The following TMEM37 variants were observed in gnomAD, a reference collection of about 807,000 sequenced individuals.
TMEM37 encodes the protein transmembrane protein 37, also known as voltage-dependent calcium channel gamma-like subunit.
TMEM37 carries 12 observed loss-of-function variants against 11.0 expected under a neutral mutation model. That is an observed-to-expected ratio of 1.09 (90% confidence interval 0.70 to 1.76). TMEM37 has a LOEUF of 1.76. Ranked by LOEUF, TMEM37 falls within the 40% of genes most tolerant of loss-of-function variation. The pLI, the probability that TMEM37 is intolerant of heterozygous loss-of-function variation, is 0.00. For synonymous variants in TMEM37, 127 were observed against 110.5 expected, an observed-to-expected ratio of 1.15 and a Z score of -0.94; for missense variants, 203 against 251.2, an observed-to-expected ratio of 0.81 and a Z score of 1.30.
chr2:119,434,299 T>C lies in TMEM37; in HGVS notation c.21+2375T>C, dbSNP rs557235570. On this transcript the variant is annotated intron_variant, in intron 1 of 1. Coordinates refer to ENST00000306406, the MANE Select transcript of TMEM37 (RefSeq NM_183240.3). ...CTTGTAACCTTGCCAGGTGCCTTCATGGCTACGACTTTCCTGCAAGTGTCA... is the reference window on the plus strand; with the variant it reads ...CTTGTAACCTTGCCAGGTGCCTTCACGGCTACGACTTTCCTGCAAGTGTCA... Among the ~76,000 whole-genome samples the C allele has an allele frequency of 8.5e-5, 13 of 152,274 alleles. No individual in the cohort carries two copies. The South Asian group carries it at 2.7e-3, about 32-fold the overall frequency.
chr2:119,434,727 C>G (rs1397351428), intron 1 of TMEM37, among the ~76,000 whole-genome samples: 1 of 152,190 alleles, frequency 6.6e-6, no homozygotes, highest in African/African-American at 2.4e-5. Flanking sequence ...TCTGGCATGG[C>G]CCTTGAGGCA....
At chr2:119,435,912 C>T (rs1682486402) in intron 1 of TMEM37, among the ~76,000 whole-genome samples, 1 of 152,122 alleles carries the variant, frequency 6.6e-6, no homozygotes, top group Non-Finnish European at 1.5e-5. Context: ...AGAAGAGCCA[C>T]TACAGGCTTA....
chr2:119,437,521 G>A lies in TMEM37; in HGVS notation c.*81G>A. 2 of 1,515,518 alleles carry A rather than the reference G, an allele frequency of 1.3e-6. No individual in the cohort carries two copies. The highest frequency in any genetic ancestry group is 1.3e-5 in the South Asian group (1 of 76,906). The allele number at this position is 1,515,518 out of a possible 1,614,324, so 93.9% of individuals were successfully genotyped here. ...CAAAATGGGACTTTTCCAGCATGTG[G>A]CCTCTGGTGGGGCTGGGTTGGACAA... On this transcript the variant is annotated 3_prime_UTR_variant, in exon 2 of 2. Coordinates refer to ENST00000306406, the MANE Select transcript of TMEM37 (RefSeq NM_183240.3).
upstream of TMEM37, among the ~76,000 whole-genome samples, chr2:119,430,950 A>T (rs1324678402): frequency 6.6e-6 from 1 of 152,212 alleles, no homozygotes; most frequent in Non-Finnish European, 1.5e-5. Context: ...CAGCCTGACC[A>T]AAATGGTGAA....
Position 119,436,343 on chromosome 2 carries a change from T to C in TMEM37, c.22-546T>C, listed in dbSNP as rs895626171. On this transcript the variant is annotated intron_variant, in intron 1 of 1. Coordinates refer to ENST00000306406, the MANE Select transcript of TMEM37 (RefSeq NM_183240.3). ...AGTACCAAGAAAAACGAGGCAATAA[T>C]CTAGAGTCCTGGGCTGAACGTGGAC... 2.0e-5 allele frequency among the ~76,000 whole-genome samples: 3 copies of C among 152,144 alleles called. No homozygotes were observed. The South Asian group carries it at 6.2e-4, about 32-fold the overall frequency.
Position 119,436,919 on chromosome 2 carries a change from C to G in TMEM37, c.52C>G (p.Arg18Gly). ...AQRPLGQRQP[R>G]RSFFESFIRT... ...GAGGCCTTTGGGCCAAAGGCAGCCCCGCCGGTCCTTCTTTGAATCCTTCAT... is the reference window on the plus strand; with the variant it reads ...GAGGCCTTTGGGCCAAAGGCAGCCCGGCCGGTCCTTCTTTGAATCCTTCAT... Residue 18 changes from arginine (R) to glycine (G), a missense_variant, in exon 2 of 2, where the codon CGC (arginine) becomes GGC (glycine). Physicochemically the swap from Arg to Gly is moderately radical, Grantham distance 125 (BLOSUM62 -2). Coordinates refer to ENST00000306406, the MANE Select transcript of TMEM37 (RefSeq NM_183240.3). 1 of 1,614,086 alleles carries G rather than the reference C, an allele frequency of 6.2e-7. No individual in the cohort carries two copies. The highest frequency in any genetic ancestry group is 8.5e-7 in the Non-Finnish European group (1 of 1,179,990).
rs1440228192 is a variant in TMEM37, at chr2:119,437,404, C to T, written c.537C>T (p.Gly179=). ...TCCTCTTCCTGAACGCCATCAGCGG[C>T]CTTCACATCAACAGCATCACCCATC... The part of the protein sequence containing the change: ...SFLLFLNAIS[G]LHINSITHPW... The change falls in exon 2 of 2, where the codon GGC becomes GGT. Residue 179 remains glycine, a synonymous_variant. Coordinates refer to ENST00000306406, the MANE Select transcript of TMEM37 (RefSeq NM_183240.3). The T allele has an allele frequency of 6.2e-7, 1 of 1,614,138 alleles. No homozygotes were observed. Among genetic ancestry groups the T allele is most frequent in the Non-Finnish European group, 8.5e-7 (1 of 1,179,998 alleles).
In TMEM37 at chr2:119,435,886, G is replaced by A. The variant is rs185227605; in HGVS notation, c.22-1003G>A. 3.5e-4 allele frequency among the ~76,000 whole-genome samples: 54 copies of A among 152,290 alleles called. No individual in the cohort carries two copies. The East Asian group carries it at 5.4e-3, about 15-fold the overall frequency. ...ATGGAGAAGAGGTGTTGTCCTGGAG[G>A]GGTGGCAGGAGCTGCAGAAGAGCCA... On this transcript the variant is annotated intron_variant, in intron 1 of 1. Transcript: ENST00000306406.
In TMEM37 at chr2:119,438,306, T is replaced by A. The variant is rs934806676; in HGVS notation, c.*866T>A. 1 of 152,154 alleles carries A rather than the reference T, an allele frequency of 6.6e-6. No individual in the cohort carries two copies. The highest frequency in any genetic ancestry group is 1.5e-5 in the Non-Finnish European group (1 of 68,054). 9.4% of individuals were successfully genotyped at this position (152,154 alleles called of 1,614,324 possible). On this transcript the variant is annotated 3_prime_UTR_variant, in exon 2 of 2. Transcript: ENST00000306406. ...GACAGCCTCAGGGCACCATTTTTAA[T>A]CCCAGAACACATTTCAAAGAGCACG...
At chr2:119,430,013 G>A (rs1165105468), upstream of TMEM37, 1 of 1,539,968 alleles carries the variant, frequency 6.5e-7, no homozygotes, top group Non-Finnish European at 8.8e-7. Context: ...AATCTCACCT[G>A]GGAGAGCCCA....
rs533097609 is a variant in TMEM37, at chr2:119,437,849, G to A, written c.*409G>A. 16 of 181,900 alleles carry A rather than the reference G, an allele frequency of 8.8e-5. No homozygotes were observed. Among genetic ancestry groups the A allele is most frequent in the Non-Finnish European group, 1.6e-4 (14 of 87,796 alleles). The allele number at this position is 181,900 out of a possible 1,614,324, so 11.3% of individuals were successfully genotyped here. A position where few individuals can be genotyped will look rare whatever the true frequency, so the allele number is the denominator to read the frequency against. On this transcript the variant is annotated 3_prime_UTR_variant, in exon 2 of 2. Transcript: ENST00000306406. ...ATTGACACGTGCTGGGATAGGGGCT[G>A]CAGAATCCCTGGGGCTCCCAGGGTT...
chr2:119,429,943 GTTC>G (rs1400600781), upstream of TMEM37: 1 of 1,550,462 alleles, frequency 6.4e-7, no homozygotes, highest in Non-Finnish European at 8.7e-7. Context: ...CGACCTGACT[GTTC>G]TTCTGATTTT....
In TMEM37 at chr2:119,437,023, G is replaced by T; in HGVS notation, c.156G>T (p.Leu52=). 6.2e-7 allele frequency: 1 copy of T among 1,614,272 alleles called. No individual in the cohort carries two copies. Among genetic ancestry groups the T allele is most frequent in the Non-Finnish European group, 8.5e-7 (1 of 1,180,060 alleles). Residue 52 remains leucine, a synonymous_variant, in exon 2 of 2, where the codon CTG becomes CTT. Transcript: ENST00000306406. ...SVSICDGHWL[L]AEDRLFGLWH... The stretch of plus-strand genomic sequence containing the variant: ...CCATTTGTGATGGGCACTGGCTCCT[G>T]GCTGAGGACCGCCTCTTCGGGCTCT...
chr2:119,432,021 G>A (rs1333434755), intron 1 of TMEM37, 97 bp downstream of exon 1: 21 of 870,374 alleles, frequency 2.4e-5, no homozygotes, highest in Non-Finnish European at 3.2e-5. Flanking sequence ...CACCGCGAGC[G>A]CCGGCGTCGG....
chr2:119,430,110 G>A (rs2104732802), upstream of TMEM37: 2 of 790,008 alleles, frequency 2.5e-6, no homozygotes, highest in East Asian at 2.7e-5. Flanking sequence ...CCAGAACCCA[G>A]AGCTGCGGAG....
In TMEM37 at chr2:119,431,854, A is replaced by C; in HGVS notation, c.-50A>C. ...GTCCCGGGCTGGCGCCGGCGGCCAC[A>C]GCGGAGCAGCTGGAGCGATCGAGGC... On this transcript the variant is annotated 5_prime_UTR_variant, in exon 1 of 2. Coordinates refer to ENST00000306406, the MANE Select transcript of TMEM37 (RefSeq NM_183240.3). 8.1e-7 allele frequency: 1 copy of C among 1,232,916 alleles called. No homozygotes were observed. The highest frequency in any genetic ancestry group is 3.7e-5 in the South Asian group (1 of 27,264). The allele number at this position is 1,232,916 out of a possible 1,614,324, so 76.4% of individuals were successfully genotyped here. A position where few individuals can be genotyped will look rare whatever the true frequency, so the allele number is the denominator to read the frequency against.
intron 1 of TMEM37, among the ~76,000 whole-genome samples, chr2:119,433,486 G>A (rs890055288): frequency 6.6e-6 from 1 of 152,188 alleles, no homozygotes. Context: ...ACATGTTGGG[G>A]ATGTGCGGAA....
chr2:119,431,135 G>A (rs1573761381), upstream of TMEM37, among the ~76,000 whole-genome samples: 1 of 151,460 alleles, frequency 6.6e-6, no homozygotes, highest in South Asian at 2.1e-4. Flanking sequence ...GGCCACAAGC[G>A]CTAGACAACG....
chr2:119,437,263 G>T lies in TMEM37; in HGVS notation c.396G>T (p.Leu132=). The change falls in exon 2 of 2, where the codon CTG becomes CTT. Residue 132 remains leucine (L), a synonymous_variant. Coordinates refer to ENST00000306406, the MANE Select transcript of TMEM37 (RefSeq NM_183240.3). ...GGGTCATGGGTTCCATCCTCCTCCT[G>T]GTGTCTTTCGTCCTCTCCTCCGGCG... The part of the protein sequence containing the change: ...CKWVMGSILL[L]VSFVLSSGGL... 1 of 1,614,206 alleles carries T rather than the reference G, an allele frequency of 6.2e-7. No individual in the cohort carries two copies. Among genetic ancestry groups the T allele is most frequent in the African/African-American group, 1.3e-5 (1 of 75,044 alleles).
Sources: allele counts gnomAD v4.1 joint callset (sites outside exome capture counted in the v4.1 genomes callset), GRCh38; gene constraint gnomAD v4.1.1; transcripts MANE v1.5; gene names NCBI Gene and HGNC (gene_info 2026-07-23, HGNC 2026-07-21).